Variants in NEMP2 observed in about 807,000 individuals in gnomAD.
NEMP2 encodes the protein UPF0571 transmembrane protein.
NEMP2 carries 53 observed loss-of-function variants against 54.2 expected under a neutral mutation model. The ratio of observed to expected loss-of-function variants is 0.98; its 90% CI spans 0.78 to 1.23. The LOEUF (loss-of-function observed/expected upper bound fraction) is 1.23, where lower values mean the gene tolerates loss of function less well. NEMP2 is among the 50% of genes most tolerant of loss of function. The pLI is 0.00. For missense variants in NEMP2, 455 were observed against 511.3 expected (o/e 0.89, Z 1.06); for synonymous variants, 197 against 190.3 (o/e 1.04, Z -0.29).
At chr2:190,436,732 A>C in the NEMP2 span, 13 of 1,614,220 alleles carry the variant, frequency 8.1e-6, no homozygotes, top group South Asian at 1.4e-4. The surrounding 1 kb of genome is among the most constrained non-coding windows in gnomAD (Gnocchi z 5.3). Flanking sequence ...TGAAATTACT[A>C]ACCGTATGAT....
chr2:190,634,818 A>T, the NEMP2 span, among the ~76,000 whole-genome samples: 91 of 152,264 alleles, frequency 6.0e-4, no homozygotes, highest in African/African-American at 2.1e-3. The surrounding 1 kb of genome is among the most constrained non-coding windows in gnomAD (Gnocchi z 6.8). Flanking sequence ...TTTTGACCCT[A>T]AACACCCGTC....
chr2:190,475,592 C>A, the NEMP2 span, among the ~76,000 whole-genome samples: 12 of 152,144 alleles, frequency 7.9e-5, no homozygotes, highest in African/African-American at 2.9e-4. Flanking sequence ...ACATTCCATG[C>A]TCATGGATAG....
the NEMP2 span, among the ~76,000 whole-genome samples, chr2:190,467,444 C>T: frequency 1.3e-5 from 2 of 152,302 alleles, no homozygotes; most frequent in Non-Finnish European, 2.9e-5. The surrounding 1 kb of genome is among the most constrained non-coding windows in gnomAD (Gnocchi z 5.5). Context: ...AAAACCTCGT[C>T]TCTACTAAAA....
downstream of NEMP2, among the ~76,000 whole-genome samples, chr2:190,499,357 T>C (rs1389832848): frequency 6.6e-6 from 1 of 151,392 alleles, no homozygotes; most frequent in African/African-American, 2.4e-5. The surrounding 1 kb of genome is among the most constrained non-coding windows in gnomAD (Gnocchi z 6.0). Flanking sequence ...TCCATTTAAA[T>C]TTTTTTTTAT....
chr2:190,633,647 T>C, the NEMP2 span, among the ~76,000 whole-genome samples: 1 of 152,198 alleles, frequency 6.6e-6, no homozygotes, highest in Non-Finnish European at 1.5e-5. Flanking sequence ...TGTCAACTGG[T>C]ACAATGCCTT....
chr2:190,498,357 T>A, the NEMP2 span, among the ~76,000 whole-genome samples: 1 of 152,226 alleles, frequency 6.6e-6, no homozygotes, highest in African/African-American at 2.4e-5. The surrounding 1 kb of genome is among the most constrained non-coding windows in gnomAD (Gnocchi z 5.9). Context: ...TTCCCCCATC[T>A]CATGATAATC....
Position 190,507,990 on chromosome 2 carries a change from A to G in NEMP2, c.*1199T>C, listed in dbSNP as rs545448297. On this transcript the variant is annotated 3_prime_UTR_variant, in exon 9 of 9. Coordinates refer to ENST00000409150, the MANE Select transcript of NEMP2 (RefSeq NM_001142645.2). This position sits in a 1 kb window ranked among gnomAD's most constrained non-coding sequence, Gnocchi z 4.4. Reference sequence around the variant, plus strand: ...CATGTTCAAATCTTTCCTCAGATCTATGTTTTGGCCTTCTTTCCTCAGGGT... The same window carrying G: ...CATGTTCAAATCTTTCCTCAGATCTGTGTTTTGGCCTTCTTTCCTCAGGGT... The G allele has an allele frequency of 3.2e-4, 48 of 152,300 alleles. No homozygotes were observed. Among genetic ancestry groups the G allele is most frequent in the African/African-American group, 1.0e-3 (43 of 41,564 alleles). The allele number at this position is 152,300 out of a possible 1,614,324, so 9.4% of individuals were successfully genotyped here. A position where few individuals can be genotyped will look rare whatever the true frequency, so the allele number is the denominator to read the frequency against.
At chr2:190,646,972 T>C in the NEMP2 span, 2 of 152,198 alleles carry the variant, frequency 1.3e-5, no homozygotes, top group African/African-American at 4.8e-5. Flanking sequence ...CAAGATTCCA[T>C]AGAGGAATTA....
the NEMP2 span, chr2:190,443,134 G>C: frequency 6.6e-6 from 1 of 152,140 alleles, no homozygotes; most frequent in African/African-American, 2.4e-5. The surrounding 1 kb of genome is among the most constrained non-coding windows in gnomAD (Gnocchi z 4.2). Flanking sequence ...ATCATCACCT[G>C]AGCCAGGAAC....
chr2:190,430,868 C>T, the NEMP2 span, among the ~76,000 whole-genome samples: 4 of 147,304 alleles, frequency 2.7e-5, no homozygotes, highest in South Asian at 2.3e-4. Flanking sequence ...CCCTCCCGGA[C>T]GGGGCGGCTG....
In NEMP2 at chr2:190,534,666, G is replaced by A; in HGVS notation, c.-11C>T. 1 of 1,275,622 alleles carries A rather than the reference G, an allele frequency of 7.8e-7. No homozygotes were observed. Among genetic ancestry groups the A allele is most frequent in the Non-Finnish European group, 9.9e-7 (1 of 1,011,818 alleles). The allele number at this position is 1,275,622 out of a possible 1,614,324, so 79.0% of individuals were successfully genotyped here. A position where few individuals can be genotyped will look rare whatever the true frequency, so the allele number is the denominator to read the frequency against. The stretch of plus-strand genomic sequence containing the variant: ...TTGGCGCGGCCCCATTTCGTTAGGG[G>A]TCAGCTCCGTGCGACCCGAGCCCTA... On this transcript the variant is annotated 5_prime_UTR_variant, in exon 1 of 9. Transcript: ENST00000409150.
chr2:190,613,477 T>C, the NEMP2 span, among the ~76,000 whole-genome samples: 2 of 152,218 alleles, frequency 1.3e-5, no homozygotes, highest in Admixed American at 6.5e-5. Context: ...CTACGCCAAA[T>C]TTTGACACCT....
chr2:190,576,473 A>T, the NEMP2 span, among the ~76,000 whole-genome samples: 1 of 152,238 alleles, frequency 6.6e-6, no homozygotes, highest in Non-Finnish European at 1.5e-5. Context: ...GAAACGGGAA[A>T]CATCAAAATG....
chr2:190,568,154 A>T, the NEMP2 span: 10 of 152,216 alleles, frequency 6.6e-5, no homozygotes, highest in Admixed American at 5.9e-4. The surrounding 1 kb of genome is among the most constrained non-coding windows in gnomAD (Gnocchi z 4.7). Flanking sequence ...GAAATGGGGG[A>T]TCTATCACCT....
chr2:190,532,377 C>A (rs908481634), intron 1 of NEMP2, among the ~76,000 whole-genome samples: 2 of 152,134 alleles, frequency 1.3e-5, no homozygotes, highest in Non-Finnish European at 2.9e-5. Context: ...TTCAAATCTT[C>A]ACAGATGAAT....
the NEMP2 span, among the ~76,000 whole-genome samples, chr2:190,540,173 A>T: frequency 3.9e-5 from 6 of 152,166 alleles, no homozygotes; most frequent in Non-Finnish European, 5.9e-5. Context: ...TATTGGAACG[A>T]TCATATGGTT....
the NEMP2 span, among the ~76,000 whole-genome samples, chr2:190,454,810 T>G: frequency 6.6e-6 from 1 of 152,066 alleles, no homozygotes; most frequent in African/African-American, 2.4e-5. This position sits in a 1 kb window ranked among gnomAD's most constrained non-coding sequence, Gnocchi z 4.6. Flanking sequence ...TCCCCAAAGA[T>G]TCTAAGAGTC....
At chr2:190,483,733 G>A in the NEMP2 span, among the ~76,000 whole-genome samples, 2 of 151,338 alleles carry the variant, frequency 1.3e-5, no homozygotes, top group African/African-American at 4.8e-5. Flanking sequence ...TACTCGGAAG[G>A]CTGAGGCAGG....
chr2:190,584,811 G>A, the NEMP2 span, among the ~76,000 whole-genome samples: 1 of 151,894 alleles, frequency 6.6e-6, no homozygotes, highest in Non-Finnish European at 1.5e-5. This position sits in a 1 kb window ranked among gnomAD's most constrained non-coding sequence, Gnocchi z 4.2. Context: ...AGTAGTTCAA[G>A]GTTACAGTGA....
Sources: gnomAD v4.1 joint callset for allele counts (sites outside exome capture counted in the v4.1 genomes callset) on GRCh38, gnomAD v4.1.1 for gene constraint, Gnocchi (gnomAD v3.1) non-coding constraint, MANE v1.5 for transcripts, NCBI Gene and HGNC (gene_info 2026-07-23, HGNC 2026-07-21) for gene names.